MRPS31: variants seen among roughly 807,000 people sequenced by gnomAD.
The protein encoded by MRPS31 is small ribosomal subunit protein mS31.
In MRPS31, 32 loss-of-function variants were observed where a neutral mutation model predicts 43.1. The observed-to-expected ratio is 0.74, with a 90% CI of 0.56 to 1.00. The LOEUF (loss-of-function observed/expected upper bound fraction) is 1.00. Among genes scored for constraint, MRPS31 ranks in the 50% least tolerant of loss-of-function variants. The pLI, the probability that MRPS31 is intolerant of heterozygous loss-of-function variation, is 0.00. For synonymous variants in MRPS31, 165 were observed against 161.6 expected, an observed-to-expected ratio of 1.02 and a Z score of -0.16; for missense variants, 437 against 466.7, an observed-to-expected ratio of 0.94 and a Z score of 0.59.
In MRPS31 at chr13:40,759,076, T is replaced by G; in HGVS notation, c.471A>C (p.Ala157=). ...GAGAATCTGCCACAGCAGATGCAGC[T>G]GCCACCAACTCAGGACTCAGGGGCT... ...RIEPLSPELV[A]AASAVADSLP... is the part of the protein sequence containing the mutation. Residue 157 remains alanine (A), a synonymous_variant, in exon 3 of 7, where the codon GCA becomes GCC. Transcript: ENST00000323563. 1 of 1,603,940 alleles carries G rather than the reference T, an allele frequency of 6.2e-7. No homozygotes were observed. Among genetic ancestry groups the G allele is most frequent in the Non-Finnish European group, 8.5e-7 (1 of 1,175,576 alleles).
chr13:40,765,314 T>A (rs1566112291), intron 2 of MRPS31, among the ~76,000 whole-genome samples: 1 of 152,224 alleles, frequency 6.6e-6, no homozygotes, highest in Non-Finnish European at 1.5e-5. Context: ...TGTATGATCT[T>A]CCCACACATG....
intron 6 of MRPS31, among the ~76,000 whole-genome samples, chr13:40,734,216 A>C (rs987142458): frequency 6.6e-5 from 10 of 152,210 alleles, no homozygotes; most frequent in Non-Finnish European, 2.9e-5. Context: ...AGACAGAGGA[A>C]AGATATTTTA....
At chr13:40,736,536 G>C (rs1347948008) in intron 6 of MRPS31, among the ~76,000 whole-genome samples, 5 of 145,972 alleles carry the variant, frequency 3.4e-5, no homozygotes, top group Non-Finnish European at 5.9e-5. Context: ...AGAGAGAAAG[G>C]TAGGGTTACC....
rs111555769 is a variant in MRPS31 at position 40,741,957 on chromosome 13, A to G, written c.958+7181T>C. 3.2e-3 allele frequency among the ~76,000 whole-genome samples: 486 copies of G among 150,492 alleles called. 5 individuals carry two copies. Among genetic ancestry groups the G allele is most frequent in the African/African-American group, 0.011 (460 of 40,328 alleles). On this transcript the variant is annotated intron_variant, in intron 6 of 6. Transcript: ENST00000323563. The stretch of plus-strand genomic sequence containing the variant: ...CACTGCAGGACAATATATGTATGGT[A>G]TGCTCCCATACAAGTCAAATAAAAC...
chr13:40,732,759 C>A (rs201814809), intron 6 of MRPS31, among the ~76,000 whole-genome samples: 1 of 151,982 alleles, frequency 6.6e-6, no homozygotes, highest in African/African-American at 2.4e-5. Flanking sequence ...AAAAAAAAAC[C>A]TGTACATGGC....
intron 3 of MRPS31, among the ~76,000 whole-genome samples, chr13:40,757,759 T>TTTA (rs1566110311): frequency 6.8e-6 from 1 of 146,718 alleles, no homozygotes; most frequent in Non-Finnish European, 1.5e-5. Flanking sequence ...TTTTTTTTTT[T>TTTA]AATTACAGTT....
chr13:40,753,028 C>CA (rs1409923011), intron 5 of MRPS31, among the ~76,000 whole-genome samples: 1 of 151,164 alleles, frequency 6.6e-6, no homozygotes, highest in South Asian at 2.1e-4. Context: ...TACCAATATC[C>CA]AAAAAACTAA....
At chr13:40,732,994 GTTTTTTTTTTT>G (rs1159862645) in intron 6 of MRPS31, among the ~76,000 whole-genome samples, 6 of 84,486 alleles carry the variant, frequency 7.1e-5, no homozygotes, top group African/African-American at 1.7e-4. Flanking sequence ...AATGCATTTG[GTTTTTTTTTTT>G]TTTTTTTTTT....
intron 6 of MRPS31, among the ~76,000 whole-genome samples, chr13:40,738,406 G>C (rs1196091675): frequency 6.6e-6 from 1 of 152,108 alleles, no homozygotes; most frequent in Non-Finnish European, 1.5e-5. Context: ...CCAATCAATA[G>C]AAAAAGAGGG....
chr13:40,758,808 G>T, intron 3 of MRPS31, 140 bp downstream of exon 3: 1 of 786,216 alleles, frequency 1.3e-6, no homozygotes, highest in Non-Finnish European at 1.8e-6. Context: ...TTAAAAAGTT[G>T]AATTGCTAAA....
At chr13:40,745,401 T>A (rs9577136) in intron 6 of MRPS31, among the ~76,000 whole-genome samples, 1 of 151,678 alleles carries the variant, frequency 6.6e-6, no homozygotes, top group East Asian at 1.9e-4. Flanking sequence ...TACAGGCATG[T>A]GCCACCAAGC....
rs1458381086 is a variant in MRPS31, at chr13:40,749,194, A to T, written c.902T>A (p.Leu301Gln). ...EQPLQNGFEELIQWTKEGKLW... is the reference protein window; with the variant it reads ...EQPLQNGFEEQIQWTKEGKLW... ...TTTCCCCTCTTTTGTCCACTGGATC[A>T]GCTCTTCAAATCCATTCTGAAGGGG... Residue 301 changes from leucine (L) to glutamine (Q), a missense_variant, in exon 6 of 7, where the codon CTG (leucine) becomes CAG (glutamine). Coordinates refer to ENST00000323563, the MANE Select transcript of MRPS31 (RefSeq NM_005830.4). The T allele has an allele frequency of 6.2e-7, 1 of 1,602,636 alleles. No homozygotes were observed. The highest frequency in any genetic ancestry group is 1.8e-5 in the Admixed American group (1 of 56,816).
rs1367520207 is a variant in MRPS31 at position 40,750,512 on chromosome 13, T to C, written c.815-1231A>G. ...AGTCAAGTTATATACTTCAAATATATGCAATCTGTTGCACACAAATTACAA... is the reference window on the plus strand; with the variant it reads ...AGTCAAGTTATATACTTCAAATATACGCAATCTGTTGCACACAAATTACAA... On this transcript the variant is annotated intron_variant, in intron 5 of 6. Transcript: ENST00000323563. 3.3e-5 allele frequency among the ~76,000 whole-genome samples: 5 copies of C among 152,156 alleles called. No homozygotes were observed. In the East Asian group the frequency reaches 7.7e-4, roughly 23 times the overall value.
intron 6 of MRPS31, among the ~76,000 whole-genome samples, chr13:40,746,781 T>C (rs1880250449): frequency 6.6e-6 from 1 of 152,222 alleles, no homozygotes; most frequent in East Asian, 1.9e-4. Flanking sequence ...AAATAAAATG[T>C]TACAGTATAC....
intron 1 of MRPS31, 130 bp from the exon 2 acceptor site, chr13:40,767,163 T>C (rs912113408): frequency 1.7e-4 from 20 of 115,282 alleles, no homozygotes; most frequent in East Asian, 1.1e-3. Context: ...TTTCCGTTGC[T>C]TTTTTTTTTT....
intron 2 of MRPS31, among the ~76,000 whole-genome samples, chr13:40,764,182 G>A (rs1053059182): frequency 2.0e-5 from 3 of 152,124 alleles, no homozygotes; most frequent in Admixed American, 6.5e-5. Flanking sequence ...GGGGGAGGTG[G>A]GGCCGTGGGA....
Position 40,740,956 on chromosome 13 carries a change from A to AC in MRPS31, c.958+8181_958+8182insG, listed in dbSNP as rs548267014. Among the ~76,000 whole-genome samples, 392 of 151,614 alleles carry AC rather than the reference A, an allele frequency of 2.6e-3. 1 individual carries two copies. The highest frequency in any genetic ancestry group is 3.9e-3 in the Non-Finnish European group (266 of 67,872). On this transcript the variant is annotated intron_variant, in intron 6 of 6. Transcript: ENST00000323563. ...TATAATAAAAAAAAATTAAAAAAAA[A>AC]AACAACAAAGAAAACCCCAAATAAC...
chr13:40,749,909 G>A (rs1437221876), intron 5 of MRPS31, among the ~76,000 whole-genome samples: 1 of 152,154 alleles, frequency 6.6e-6, no homozygotes, highest in Non-Finnish European at 1.5e-5. Context: ...ACCAGTTACT[G>A]CTGCTGGGAA....
Position 40,736,655 on chromosome 13 carries a change from C to T in MRPS31, c.959-7054G>A, listed in dbSNP as rs895122534. Among the ~76,000 whole-genome samples, 17 of 150,334 alleles carry T rather than the reference C, an allele frequency of 1.1e-4. 1 individual carries two copies. The highest frequency in any genetic ancestry group is 4.2e-4 in the African/African-American group (17 of 40,450). ...CATTCTTAAAGAAAAGAATTTTCAA[C>T]CCAGAATTTCATATCCAGTCAAACT... On this transcript the variant is annotated intron_variant, in intron 6 of 6. Coordinates refer to ENST00000323563, the MANE Select transcript of MRPS31 (RefSeq NM_005830.4).
Sources: allele counts gnomAD v4.1 joint callset (sites outside exome capture counted in the v4.1 genomes callset), GRCh38; gene constraint gnomAD v4.1.1; transcripts MANE v1.5; gene names NCBI Gene and HGNC (gene_info 2026-07-23, HGNC 2026-07-21).